The following ESRRG variants were observed in gnomAD, a reference collection of about 807,000 sequenced individuals.
ESRRG encodes estrogen related receptor gamma.
A neutral mutation model predicts 44.0 loss-of-function variants in ESRRG; 13 were observed. That is an observed-to-expected ratio of 0.30 (90% confidence interval 0.19 to 0.47). The LOEUF (loss-of-function observed/expected upper bound fraction) is 0.47, where lower values mean the gene tolerates loss of function less well. ESRRG is among the 20% of genes least tolerant of loss of function. ESRRG has a pLI of 1.00. For missense variants in ESRRG, 395 were observed against 580.6 expected (o/e 0.68, Z 3.29); for synonymous variants, 215 against 214.6 (o/e 1.00, Z -0.02).
intron 2 of ESRRG, among the ~76,000 whole-genome samples, chr1:216,829,549 G>GTTTTTTTT (rs66515526): frequency 7.4e-6 from 1 of 135,632 alleles, no homozygotes; most frequent in Non-Finnish European, 1.6e-5. Flanking sequence ...AAATGCCACA[G>GTTTTTTTT]TTTTTTTTTT....
Position 216,674,002 on chromosome 1 carries a change from C to T in ESRRG, c.472+3074G>A, listed in dbSNP as rs527747427. On this transcript the variant is annotated intron_variant, in intron 2 of 6. Transcript: ENST00000408911. Reference sequence around the variant, plus strand: ...ACTGAGAACCTCTTGCTTATATCAGCGCACTCAGTGCTCATGAATTTATCC... The same window carrying T: ...ACTGAGAACCTCTTGCTTATATCAGTGCACTCAGTGCTCATGAATTTATCC... 9.3e-4 allele frequency among the ~76,000 whole-genome samples: 142 copies of T among 152,326 alleles called. 1 individual carries two copies. The highest frequency in any genetic ancestry group is 3.3e-3 in the African/African-American group (137 of 41,564).
chr1:216,703,808 TG>T, intron 1 of ESRRG, among the ~76,000 whole-genome samples: 1 of 151,876 alleles, frequency 6.6e-6, no homozygotes, highest in Non-Finnish European at 1.5e-5. Flanking sequence ...CAAAAAAGAA[TG>T]GGTGAATGGG....
At chr1:217,087,139 C>T (rs1445073393) in intron 1 of ESRRG, among the ~76,000 whole-genome samples, 1 of 152,188 alleles carries the variant, frequency 6.6e-6, no homozygotes, top group Admixed American at 6.5e-5. Flanking sequence ...CCATTTCAAA[C>T]ATAAGCCCAT....
chr1:216,981,557 A>G (rs2073973884), intron 1 of ESRRG, among the ~76,000 whole-genome samples: 1 of 152,220 alleles, frequency 6.6e-6, no homozygotes, highest in African/African-American at 2.4e-5. Context: ...TTATTATTTT[A>G]TATTTAATAC....
At chr1:216,930,023 C>T (rs2063128604) in intron 2 of ESRRG, among the ~76,000 whole-genome samples, 1 of 152,260 alleles carries the variant, frequency 6.6e-6, no homozygotes, top group Non-Finnish European at 1.5e-5. Context: ...GACATCCTTC[C>T]TCTCTGAGTC....
intron 4 of ESRRG, among the ~76,000 whole-genome samples, chr1:216,567,537 T>C (rs1300164581): frequency 6.6e-6 from 1 of 152,214 alleles, no homozygotes; most frequent in African/African-American, 2.4e-5. Context: ...AGGCCCCTAA[T>C]GTATTTTCAT....
intron 3 of ESRRG, among the ~76,000 whole-genome samples, chr1:216,571,049 C>T (rs2060690858): frequency 6.6e-6 from 1 of 152,138 alleles, no homozygotes; most frequent in African/African-American, 2.4e-5. Flanking sequence ...ACAATTCAGA[C>T]ATACAGTTAC....
intron 2 of ESRRG, among the ~76,000 whole-genome samples, chr1:216,909,188 G>C (rs959921448): frequency 6.6e-6 from 1 of 152,152 alleles, no homozygotes; most frequent in East Asian, 1.9e-4. Context: ...ATTTCACTGG[G>C]TGCCTTCAAA....
At chr1:216,838,265 C>T (rs11572579) in intron 2 of ESRRG, among the ~76,000 whole-genome samples, 1,725 of 152,230 alleles carry the variant, frequency 0.011, 11 homozygotes, top group Non-Finnish European at 0.016. Flanking sequence ...TTGGTTCTCA[C>T]GTTGATAATG....
chr1:216,987,642 A>C (rs2075081723), intron 1 of ESRRG, among the ~76,000 whole-genome samples: 1 of 152,166 alleles, frequency 6.6e-6, no homozygotes, highest in Non-Finnish European at 1.5e-5. Context: ...CTACCCTATG[A>C]GCTTAAGTCC....
At chr1:217,051,771 C>A (rs2377361) in intron 1 of ESRRG, among the ~76,000 whole-genome samples, 11,899 of 152,100 alleles carry the variant, frequency 0.078, 1,060 homozygotes, top group African/African-American at 0.22. Context: ...TCCCCATACT[C>A]CTTTTTTTAA....
chr1:216,542,542 C>T (rs899232602), intron 5 of ESRRG, among the ~76,000 whole-genome samples: 1 of 151,932 alleles, frequency 6.6e-6, no homozygotes, highest in Admixed American at 6.6e-5. Context: ...CATATGAAGG[C>T]TTATACTTCA....
Position 217,068,860 on chromosome 1 carries a change from A to G in ESRRG, c.-106+20647T>C, listed in dbSNP as rs545743934. Among the ~76,000 whole-genome samples, 7 of 152,260 alleles carry G rather than the reference A, an allele frequency of 4.6e-5. No individual in the cohort carries two copies. The East Asian group carries it at 1.2e-3, about 25-fold the overall frequency. On this transcript the variant is annotated intron_variant, in intron 1 of 7. Transcript: ENST00000359162. ...TCCCTTCTAGCATTAAAATACTCCAATCCCTAACTTTAATCCTTCCCCTCC... is the reference window on the plus strand; with the variant it reads ...TCCCTTCTAGCATTAAAATACTCCAGTCCCTAACTTTAATCCTTCCCCTCC...
chr1:216,974,917 C>A (rs963373030), intron 1 of ESRRG, among the ~76,000 whole-genome samples: 1 of 151,558 alleles, frequency 6.6e-6, no homozygotes, highest in Non-Finnish European at 1.5e-5. Context: ...TCTCAGCAGG[C>A]TACAATCATG....
chr1:217,085,682 G>T (rs1445555403), intron 1 of ESRRG, among the ~76,000 whole-genome samples: 1 of 151,268 alleles, frequency 6.6e-6, no homozygotes, highest in Non-Finnish European at 1.5e-5. Flanking sequence ...GTAGAGACAG[G>T]GTTTCATCAT....
At chr1:216,579,796 A>T (rs553808727) in intron 3 of ESRRG, among the ~76,000 whole-genome samples, 1 of 152,298 alleles carries the variant, frequency 6.6e-6, no homozygotes, top group African/African-American at 2.4e-5. Context: ...TGAAGGCTAG[A>T]TGTTGAGAAT....
intron 1 of ESRRG, among the ~76,000 whole-genome samples, chr1:216,970,968 TAGAC>T (rs961160044): frequency 2.7e-4 from 41 of 152,242 alleles, no homozygotes; most frequent in African/African-American, 8.4e-4. Flanking sequence ...ATTATGCAAA[TAGAC>T]AGAAAGGTCA....
intron 1 of ESRRG, among the ~76,000 whole-genome samples, chr1:217,025,096 G>C (rs1169885912): frequency 6.6e-6 from 1 of 152,120 alleles, no homozygotes; most frequent in African/African-American, 2.4e-5. Flanking sequence ...AAGGGACCAG[G>C]AGCAATGCTG....
chr1:216,503,871 G>T lies in ESRRG; in HGVS notation c.*3068C>A, dbSNP rs1362038722. ...AGCAAAATTAAAATTAAAATCATAT[G>T]GCTAAAACATACACCTTTATAACTT... On this transcript the variant is annotated 3_prime_UTR_variant, in exon 7 of 7. Coordinates refer to ENST00000408911, the MANE Select transcript of ESRRG (RefSeq NM_001438.4). 6.6e-6 allele frequency: 1 copy of T among 152,406 alleles called. No homozygotes were observed. Among genetic ancestry groups the T allele is most frequent in the East Asian group, 1.9e-4 (1 of 5,184 alleles). 9.4% of individuals were successfully genotyped at this position (152,406 alleles called of 1,614,324 possible).
Sources: allele counts gnomAD v4.1 joint callset (sites outside exome capture counted in the v4.1 genomes callset), GRCh38; gene constraint gnomAD v4.1.1; transcripts MANE v1.5; gene names NCBI Gene and HGNC (gene_info 2026-07-23, HGNC 2026-07-21).